AGBL1: variants seen among roughly 807,000 people sequenced by gnomAD.
The protein encoded by AGBL1 is AGBL carboxypeptidase 1.
Under a neutral mutation model 118.9 loss-of-function variants are expected in AGBL1, and 130 were observed. The ratio of observed to expected loss-of-function variants is 1.09; its 90% CI spans 0.95 to 1.26. The LOEUF is 1.26. AGBL1 is among the 50% of genes most tolerant of loss of function. The probability of loss-of-function intolerance (pLI) is 0.00; values close to 1 mark genes in which losing one functional copy is unlikely to be tolerated. For missense variants in AGBL1, 1,584 were observed against 1,298.1 expected (o/e 1.22, Z -3.38); for synonymous variants, 555 against 478.9 (o/e 1.16, Z -2.08).
At chr15:86,314,207 A>G (rs1355606571) in intron 17 of AGBL1, among the ~76,000 whole-genome samples, 1 of 152,224 alleles carries the variant, frequency 6.6e-6, no homozygotes, top group African/African-American at 2.4e-5. Context: ...GGAGCTATTC[A>G]TGGAAATGGC....
chr15:86,830,770 C>T (rs2079094409), intron 22 of AGBL1, among the ~76,000 whole-genome samples: 1 of 152,146 alleles, frequency 6.6e-6, no homozygotes, highest in Non-Finnish European at 1.5e-5. Context: ...TTAATAGGTA[C>T]TCCAGGCTAT....
chr15:86,321,757 A>G (rs1266336311), intron 17 of AGBL1, among the ~76,000 whole-genome samples: 2 of 149,952 alleles, frequency 1.3e-5, no homozygotes, highest in African/African-American at 2.5e-5. Context: ...AGCCTGGGCA[A>G]TGAAGTGAGA....
chr15:86,218,502 C>A (rs2078226141), intron 5 of AGBL1, among the ~76,000 whole-genome samples: 1 of 152,134 alleles, frequency 6.6e-6, no homozygotes, highest in East Asian at 1.9e-4. Flanking sequence ...TTATTTCCTG[C>A]CTTTGAGGAT....
intron 18 of AGBL1, among the ~76,000 whole-genome samples, chr15:86,434,140 T>C (rs2081972706): frequency 1.3e-5 from 2 of 152,242 alleles, no homozygotes; most frequent in South Asian, 2.1e-4. Context: ...GTCTAGGTAG[T>C]TCTCTGACCA....
At chr15:86,854,693 T>C (rs187927982) in intron 22 of AGBL1, among the ~76,000 whole-genome samples, 2 of 152,278 alleles carry the variant, frequency 1.3e-5, no homozygotes, top group Admixed American at 6.5e-5. Flanking sequence ...GCAAAGGCCA[T>C]TGATAAATGT....
chr15:86,929,259 G>A (rs1036149690), intron 23 of AGBL1, among the ~76,000 whole-genome samples: 2 of 152,124 alleles, frequency 1.3e-5, no homozygotes, highest in Non-Finnish European at 2.9e-5. Context: ...CATCTGGTCT[G>A]GCTTTTTTAA....
At chr15:86,996,178 G>A (rs1461743261) in intron 24 of AGBL1, among the ~76,000 whole-genome samples, 2 of 152,018 alleles carry the variant, frequency 1.3e-5, no homozygotes, top group African/African-American at 2.4e-5. Flanking sequence ...TTTTACTGAA[G>A]TCTATACATA....
rs564809631 is a variant in AGBL1 at position 86,264,381 on chromosome 15, G to A, written c.1210G>A (p.Gly404Arg). The A allele has an allele frequency of 2.5e-6, 4 of 1,613,772 alleles. No homozygotes were observed. The African/African-American group carries it at 4.0e-5, about 16-fold the overall frequency. Residue 404 changes from glycine (G) to arginine (R), a missense_variant, in exon 11 of 23, where the codon GGG (glycine) becomes AGG (arginine). Coordinates refer to ENST00000614907, the MANE Select transcript of AGBL1 (RefSeq NM_001386094.1). ...CTACAGCAAGGACCAAAGCTCCTGT[G>A]GGCAAGAAAGAGAATATGCTGTCCA... Reference protein sequence around the residue: ...HCYSKDQSSCGQEREYAVQTS... With the variant: ...HCYSKDQSSCRQEREYAVQTS...
chr15:86,975,384 T>C (rs114707495), intron 23 of AGBL1, among the ~76,000 whole-genome samples: 2,818 of 151,980 alleles, frequency 0.019, 92 homozygotes, highest in African/African-American at 0.062. Flanking sequence ...TTATTCACCA[T>C]CACCAGAAGA....
intron 1 of AGBL1, among the ~76,000 whole-genome samples, chr15:86,106,362 G>A (rs1426456833): frequency 6.6e-6 from 1 of 152,204 alleles, no homozygotes; most frequent in African/African-American, 2.4e-5. Context: ...GGAGCATGGA[G>A]AAGGAGGGTT....
intron 23 of AGBL1, among the ~76,000 whole-genome samples, chr15:86,984,073 T>C (rs2081256952): frequency 6.6e-6 from 1 of 152,186 alleles, no homozygotes; most frequent in Non-Finnish European, 1.5e-5. Flanking sequence ...TTGGGTTGTA[T>C]GGTAAGTCCT....
intron 18 of AGBL1, among the ~76,000 whole-genome samples, chr15:86,475,212 AAGATGGACAG>A (rs2082540457): frequency 3.3e-5 from 5 of 152,232 alleles, no homozygotes; most frequent in Admixed American, 2.6e-4. Context: ...CAACGGAACA[AAGATGGACAG>A]AGAATGACTT....
chr15:86,081,521 C>G (rs928480278), intron 1 of AGBL1, among the ~76,000 whole-genome samples: 1 of 152,210 alleles, frequency 6.6e-6, no homozygotes, highest in Admixed American at 6.5e-5. Flanking sequence ...CGTCCTTTGA[C>G]TCATTCTATC....
chr15:86,092,261 G>A (rs1774729001), intron 1 of AGBL1, among the ~76,000 whole-genome samples: 1 of 152,132 alleles, frequency 6.6e-6, no homozygotes, highest in Non-Finnish European at 1.5e-5. Context: ...ACTAGATTGA[G>A]AACCTATGCC....
chr15:86,407,272 C>T (rs1031547436), intron 18 of AGBL1, among the ~76,000 whole-genome samples: 1 of 152,126 alleles, frequency 6.6e-6, no homozygotes, highest in Admixed American at 6.6e-5. Flanking sequence ...GAGTGACATA[C>T]TCAAGGTCAG....
At chr15:86,838,467 A>G (rs563195392) in intron 22 of AGBL1, among the ~76,000 whole-genome samples, 13 of 152,230 alleles carry the variant, frequency 8.5e-5, no homozygotes, top group African/African-American at 2.4e-4. Flanking sequence ...GTTCTAGTCT[A>G]TGGAAAATAT....
At chr15:86,633,850 A>ATG (rs1436077227) in intron 21 of AGBL1, among the ~76,000 whole-genome samples, 221 of 39,560 alleles carry the variant, frequency 5.6e-3, no homozygotes, top group African/African-American at 0.024. Context: ...TATATAATGT[A>ATG]TATATATATA....
Position 86,736,250 on chromosome 15 carries a change from C to A in AGBL1, c.3158+61814C>A, listed in dbSNP as rs142870647. Reference sequence around the variant, plus strand: ...CAAAAATTAGCTGGGTGCGGTGGTGCATGCCTGTAAGCCCAGCTACTCAGG... The same window carrying A: ...CAAAAATTAGCTGGGTGCGGTGGTGAATGCCTGTAAGCCCAGCTACTCAGG... On this transcript the variant is annotated intron_variant, in intron 22 of 22. Coordinates refer to ENST00000614907, the MANE Select transcript of AGBL1 (RefSeq NM_001386094.1). Among the ~76,000 whole-genome samples, 259 of 152,022 alleles carry A rather than the reference C, an allele frequency of 1.7e-3. 2 individuals are homozygous for A. The East Asian group carries it at 0.021, about 13-fold the overall frequency.
At chr15:86,577,873 T>C (rs1250260168) in intron 21 of AGBL1, among the ~76,000 whole-genome samples, 1 of 152,112 alleles carries the variant, frequency 6.6e-6, no homozygotes, top group South Asian at 2.1e-4. Flanking sequence ...TTTCAGAAGA[T>C]GTATGGAAAT....
Sources: gnomAD v4.1 joint callset for allele counts (sites outside exome capture counted in the v4.1 genomes callset) on GRCh38, gnomAD v4.1.1 for gene constraint, MANE v1.5 for transcripts, NCBI Gene and HGNC (gene_info 2026-07-23, HGNC 2026-07-21) for gene names.